The following CYP2A7 variants were observed in gnomAD, a reference collection of about 807,000 sequenced individuals.
The protein encoded by CYP2A7 is cytochrome P450 family 2 subfamily A member 7, also known as cytochrome P450 2A7.
Under a neutral mutation model 42.0 loss-of-function variants are expected in CYP2A7, and 36 were observed. The observed-to-expected ratio is 0.86, with a 90% CI of 0.66 to 1.13. CYP2A7 has a LOEUF of 1.13. Ranked by LOEUF, CYP2A7 falls within the 50% of genes most tolerant of loss-of-function variation. CYP2A7 has a pLI of 0.00. For missense variants in CYP2A7, 661 were observed against 634.1 expected, an observed-to-expected ratio of 1.04 and a Z score of -0.46; for synonymous variants, 260 against 249.5, an observed-to-expected ratio of 1.04 and a Z score of -0.40.
intron 6 of CYP2A7, 118 bp downstream of exon 6, chr19:40,877,734 C>G (rs374413806): frequency 7.0e-7 from 1 of 1,430,808 alleles, no homozygotes. Flanking sequence ...TGCCCTGTCT[C>G]TGGACAGCAA....
At chr19:40,878,645 G>C (rs1445690047) in intron 5 of CYP2A7, 115 bp downstream of exon 5, 1 of 1,429,922 alleles carries the variant, frequency 7.0e-7, no homozygotes, top group Non-Finnish European at 9.4e-7. Flanking sequence ...CAATTGTGAG[G>C]ATTATTATGA....
At chr19:40,877,409 C>G (rs751077349) in intron 6 of CYP2A7, 32 bp from the exon 7 acceptor site, 1 of 1,606,342 alleles carries the variant, frequency 6.2e-7, no homozygotes, top group South Asian at 1.1e-5. Context: ...GTTTAGGTAT[C>G]TGGGAGTCTC....
rs373354084 is a variant in CYP2A7, at chr19:40,877,358, A to G, written c.993T>C (p.Ile331=). 2 of 1,612,438 alleles carry G rather than the reference A, an allele frequency of 1.2e-6. No individual in the cohort carries two copies. Among genetic ancestry groups the G allele is most frequent in the Non-Finnish European group, 1.7e-6 (2 of 1,178,954 alleles). The part of the protein sequence containing the change: ...PEVEAKVHEE[I]DRVIGKNRQP... ...GCCGGTTCTTGCCGATCACTCTGTC[A>G]ATCTCCTCATGGACCTTGGCTGGGG... is the stretch of plus-strand genomic sequence containing the variant. The change falls in exon 7 of 9, where the codon ATT becomes ATC. Residue 331 remains isoleucine (I), a synonymous_variant. Transcript: ENST00000301146.
intron 2 of CYP2A7, 67 bp downstream of exon 2, chr19:40,881,522 G>A (rs1967686771): frequency 1.2e-6 from 2 of 1,601,570 alleles, no homozygotes; most frequent in African/African-American, 2.7e-5. Context: ...GAGTCAGGGA[G>A]AAGGCTGGCA....
rs772620225 is a variant in CYP2A7, at chr19:40,880,139, G to A, written c.599C>T (p.Ser200Leu). 2 of 1,613,008 alleles carry A rather than the reference G, an allele frequency of 1.2e-6. No homozygotes were observed. Among genetic ancestry groups the A allele is most frequent in the Middle Eastern group, 1.7e-4 (1 of 6,060 alleles). Residue 200 changes from serine (S) to leucine (L), a missense_variant, in exon 4 of 9, where the codon TCA becomes TTA. Coordinates refer to ENST00000301146, the MANE Select transcript of CYP2A7 (RefSeq NM_000764.3). ...GATTCCTAGCATCATGCTCAGCAGT[G>A]ACAGGAACTCTTTGTCCTCATAGTC... is the stretch of plus-strand genomic sequence containing the variant. ...RFDYEDKEFLSLLSMMLGIFQ... is the reference protein window; with the variant it reads ...RFDYEDKEFLLLLSMMLGIFQ...
At position 40,880,722 on chromosome 19, in the gene CYP2A7, G is replaced by A. The variant is rs1967647005; in HGVS notation, c.344-94C>T. The A allele has an allele frequency of 6.7e-6, 9 of 1,344,076 alleles. No homozygotes were observed. The East Asian group carries it at 7.7e-5, about 11-fold the overall frequency. 83.3% of individuals were successfully genotyped at this position (1,344,076 alleles called of 1,614,324 possible). ...GGGGCTCCCCAAGGGTGGAGCAGAG[G>A]GGTAGTGGGGTGGGAGAGAGATGGA... On this transcript the variant is annotated intron_variant, in intron 2 of 8. Coordinates refer to ENST00000301146, the MANE Select transcript of CYP2A7 (RefSeq NM_000764.3).
chr19:40,875,933 C>T, intron 8 of CYP2A7, 59 bp from the exon 9 acceptor site: 1 of 1,488,484 alleles, frequency 6.7e-7, no homozygotes, highest in Non-Finnish European at 9.0e-7. Context: ...AGCCTCGCCC[C>T]AGTACCGACC....
At position 40,875,681 on chromosome 19, in the gene CYP2A7, C is replaced by T. The variant is rs759610883; in HGVS notation, c.*12G>A. 3 of 1,611,120 alleles carry T rather than the reference C, an allele frequency of 1.9e-6. 1 individual carries two copies. Among genetic ancestry groups the T allele is most frequent in the Non-Finnish European group, 2.5e-6 (3 of 1,178,284 alleles). On this transcript the variant is annotated 3_prime_UTR_variant, in exon 9 of 9. Coordinates refer to ENST00000301146, the MANE Select transcript of CYP2A7 (RefSeq NM_000764.3). ...GCCCCGCCCACCAGACCTGCACCGG[C>T]ACAGCCCTCGCTCAGCGGGGCAGGA... is the stretch of plus-strand genomic sequence containing the variant.
At chr19:40,879,581 G>T (rs1355167951) in intron 4 of CYP2A7, among the ~76,000 whole-genome samples, 1 of 151,572 alleles carries the variant, frequency 6.6e-6, no homozygotes, top group East Asian at 1.9e-4. Flanking sequence ...TGTTGGTTAG[G>T]GCAGCTGTCC....
At chr19:40,877,774 C>G (rs553300067) in intron 6 of CYP2A7, 78 bp downstream of exon 6, 4 of 1,529,098 alleles carry the variant, frequency 2.6e-6, no homozygotes, top group African/African-American at 2.8e-5. Context: ...GGATCTGGGA[C>G]AGGTAGGGAC....
chr19:40,880,969 T>TGGGGAGAGAAAGAGAGAGATGG (rs1967668749), intron 2 of CYP2A7, among the ~76,000 whole-genome samples: 1 of 138,746 alleles, frequency 7.2e-6, no homozygotes, highest in South Asian at 2.3e-4. Flanking sequence ...GGGTAGGAAG[T>TGGGGAGAGAAAGAGAGAGATGG]GGGGAGAGAA....
At position 40,880,815 on chromosome 19, in the gene CYP2A7, G is replaced by GAGAGAGAGAGAA. The variant is rs1967657608; in HGVS notation, c.344-188_344-187insTTCTCTCTCTCT. The stretch of plus-strand genomic sequence containing the variant: ...AACACGAGGGAGAGAGAGAGAGAGA[G>GAGAGAGAGAGAA]AGAGAGAGAGAGAGAGAGAGAGAGA... On this transcript the variant is annotated intron_variant, in intron 2 of 8. Coordinates refer to ENST00000301146, the MANE Select transcript of CYP2A7 (RefSeq NM_000764.3). Among the ~76,000 whole-genome samples the GAGAGAGAGAGAA allele has an allele frequency of 8.0e-5, 3 of 37,514 alleles. 1 individual carries two copies. The highest frequency in any genetic ancestry group is 2.8e-4 in the African/African-American group (3 of 10,746). 24.6% of individuals were successfully genotyped at this position (37,514 alleles called of 152,430 possible). A position where few individuals can be genotyped will look rare whatever the true frequency, so the allele number is the denominator to read the frequency against.
Position 40,882,070 on chromosome 19 carries a change from G to T in CYP2A7, c.141C>A (p.Leu47=). The T allele has an allele frequency of 1.2e-6, 2 of 1,613,960 alleles. No individual in the cohort carries two copies. The highest frequency in any genetic ancestry group is 2.2e-5 in the South Asian group (2 of 91,066). Residue 47 remains leucine (L), a synonymous_variant, in exon 1 of 9, where the codon CTC becomes CTA. Coordinates refer to ENST00000301146, the MANE Select transcript of CYP2A7 (RefSeq NM_000764.3). ...CACATATGTGCTCTGTGTTCAGCTG[G>T]AGGTAGTTTCCAATGAAGGGCAGTG... ...PTPLPFIGNY[L]QLNTEHICDS... is the part of the protein sequence containing the mutation.
Position 40,878,742 on chromosome 19 carries a change from C to G in CYP2A7, c.831+18G>C, listed in dbSNP as rs372855525. ...CTGCCTGGCTTTGCACCTCCCCGCACTGGCTGCTGGGGTGTACCTCCTGCA... is the reference window on the plus strand; with the variant it reads ...CTGCCTGGCTTTGCACCTCCCCGCAGTGGCTGCTGGGGTGTACCTCCTGCA... On this transcript the variant is annotated intron_variant, in intron 5 of 8. Coordinates refer to ENST00000301146, the MANE Select transcript of CYP2A7 (RefSeq NM_000764.3). 1.7e-4 allele frequency: 269 copies of G among 1,610,586 alleles called. 7 individuals carry two copies. Among genetic ancestry groups the G allele is most frequent in the African/African-American group, 1.2e-3 (87 of 75,026 alleles).
chr19:40,880,622 G>A lies in CYP2A7; in HGVS notation c.350C>T (p.Ala117Val), dbSNP rs58798281. 334,843 of 922,412 alleles carry A rather than the reference G, an allele frequency of 0.36. 103,401 individuals carry two copies. The highest frequency in any genetic ancestry group is 0.59 in the Admixed American group (22,198 of 37,410). 57.1% of individuals were successfully genotyped at this position (922,412 alleles called of 1,614,324 possible). Reference sequence around the variant, plus strand: ...CTTGGCGCGCTCCCCGTTGCTGAACGCCACGCCTGGGGAGGTCAAGGCGGG... The same window carrying A: ...CTTGGCGCGCTCCCCGTTGCTGAACACCACGCCTGGGGAGGTCAAGGCGGG... The part of the protein sequence containing the change: ...FDWVFKGYGV[A>V]FSNGERAKQL... Residue 117 changes from alanine (A) to valine (V), a missense_variant, in exon 3 of 9, where the codon GCG becomes GTG. Transcript: ENST00000301146.
At position 40,877,925 on chromosome 19, in the gene CYP2A7, A is replaced by C; in HGVS notation, c.900T>G (p.Ile300Met). The C allele has an allele frequency of 6.2e-7, 1 of 1,612,488 alleles. No homozygotes were observed. The highest frequency in any genetic ancestry group is 1.1e-5 in the South Asian group (1 of 90,982). The change falls in exon 6 of 9, where the codon ATT becomes ATG. Residue 300 changes from isoleucine to methionine, a missense_variant. Around this residue, in one of 3 missense-constraint regions of CYP2A7, gnomAD observed 614 missense variants for 552.4 expected, o/e 1.11. Coordinates refer to ENST00000301146, the MANE Select transcript of CYP2A7 (RefSeq NM_000764.3). The stretch of plus-strand genomic sequence containing the variant: ...TGGTGCTGACCGTCTCGGTGCCTGC[A>C]ATGAAGAGGTTCAACGTGCTCATCA... ...NLMMSTLNLF[I>M]AGTETVSTTL...
At position 40,879,126 on chromosome 19, in the gene CYP2A7, G is replaced by A. The variant is rs573277855; in HGVS notation, c.655-190C>T. Among the ~76,000 whole-genome samples, 8 of 151,958 alleles carry A rather than the reference G, an allele frequency of 5.3e-5. No homozygotes were observed. The East Asian group carries it at 5.8e-4, about 11-fold the overall frequency. On this transcript the variant is annotated intron_variant, in intron 4 of 8. Transcript: ENST00000301146. ...CAGGAAGGTTAGGTACCAGGGCCAC[G>A]GTCTAGTAATTTAGGTGAGAAGAAC...
rs1217870550 is a variant in CYP2A7, at chr19:40,875,577, C to T, written c.*116G>A. 6.5e-6 allele frequency: 10 copies of T among 1,534,192 alleles called. No homozygotes were observed. Among genetic ancestry groups the T allele is most frequent in the South Asian group, 2.4e-5 (2 of 82,400 alleles). On this transcript the variant is annotated 3_prime_UTR_variant, in exon 9 of 9. Transcript: ENST00000301146. Reference sequence around the variant, plus strand: ...TCTTCTCTTCCCTCTAGCCACCACGCCCCTTCCTTTCCCGCATCTTCCCCC... The same window carrying T: ...TCTTCTCTTCCCTCTAGCCACCACGTCCCTTCCTTTCCCGCATCTTCCCCC...
rs745949055 is a variant in CYP2A7 at position 40,882,030 on chromosome 19, C to A, written c.180+1G>T. 3.7e-6 allele frequency: 6 copies of A among 1,612,142 alleles called. No homozygotes were observed. The highest frequency in any genetic ancestry group is 1.1e-5 in the South Asian group (1 of 90,840). ...CCACCCATCTTCCTGCCTTGGGACA[C>A]CTTCATGATGGAGTCACATATGTGC... On this transcript the variant is annotated splice_donor_variant, in intron 1 of 8. Coordinates refer to ENST00000301146, the MANE Select transcript of CYP2A7 (RefSeq NM_000764.3). LOFTEE classifies it high-confidence loss of function.
Sources: allele counts gnomAD v4.1 joint callset (sites outside exome capture counted in the v4.1 genomes callset), GRCh38; gene constraint gnomAD v4.1.1; regional missense constraint gnomAD v4.1.1; transcripts MANE v1.5; gene names NCBI Gene and HGNC (gene_info 2026-07-23, HGNC 2026-07-21).